Variants in ZNF679 observed in about 807,000 individuals in gnomAD.
The protein encoded by ZNF679 is hypothetical protein MGC42415.
ZNF679 carries 10 observed loss-of-function variants against 13.4 expected under a neutral mutation model. The observed-to-expected ratio is 0.75, with a 90% CI of 0.46 to 1.27. The LOEUF is 1.27. ZNF679 is among the 50% of genes most tolerant of loss of function. The probability of loss-of-function intolerance (pLI) is 0.00; values close to 1 mark genes in which losing one functional copy is unlikely to be tolerated. For missense variants in ZNF679, 525 were observed against 477.8 expected, an observed-to-expected ratio of 1.10 and a Z score of -0.92; for synonymous variants, 179 against 162.5, an observed-to-expected ratio of 1.10 and a Z score of -0.77.
intron 1 of ZNF679, among the ~76,000 whole-genome samples, chr7:64,239,126 A>G (rs1041247472): frequency 6.6e-6 from 1 of 152,174 alleles, no homozygotes; most frequent in African/African-American, 2.4e-5. Context: ...TCACATGCCC[A>G]TGTGTACACA....
intron 4 of ZNF679, among the ~76,000 whole-genome samples, chr7:64,265,036 A>T (rs1208030735): frequency 6.6e-6 from 1 of 151,726 alleles, no homozygotes; most frequent in Non-Finnish European, 1.5e-5. Flanking sequence ...CATAATATGG[A>T]TTATCTTATG....
chr7:64,249,190 T>C (rs779224016), intron 2 of ZNF679, 34 bp downstream of exon 2: 33 of 1,613,696 alleles, frequency 2.0e-5, no homozygotes, highest in Non-Finnish European at 2.7e-5. Flanking sequence ...GAGAGAGGGG[T>C]GAGGGCTGGT....
Position 64,266,609 on chromosome 7 carries a change from T to C in ZNF679, c.976T>C (p.Cys326Arg), listed in dbSNP as rs774742523. 25 of 1,610,738 alleles carry C rather than the reference T, an allele frequency of 1.6e-5. No individual in the cohort carries two copies. Among genetic ancestry groups the C allele is most frequent in the Non-Finnish European group, 2.0e-5 (24 of 1,177,078 alleles). The change falls in exon 5 of 5, where the codon TGT (cysteine) becomes CGT (arginine). Residue 326 changes from cysteine (C) to arginine (R), a missense_variant. Physicochemically the swap from Cys to Arg is radical, Grantham distance 180. Coordinates refer to ENST00000421025, the MANE Select transcript of ZNF679 (RefSeq NM_153363.3). Reference sequence around the variant, plus strand: ...TCATACTGGAGAGAAACCCTACACATGTGAAGAATGTGGCAAAGCCTTTAA... The same window carrying C: ...TCATACTGGAGAGAAACCCTACACACGTGAAGAATGTGGCAAAGCCTTTAA... ...RIHTGEKPYT[C>R]EECGKAFNCS...
At chr7:64,243,396 C>T (rs1787825313) in intron 1 of ZNF679, among the ~76,000 whole-genome samples, 2 of 152,130 alleles carry the variant, frequency 1.3e-5, no homozygotes, top group African/African-American at 2.4e-5. Context: ...AAATTCACAT[C>T]TGGGTGCTAG....
At chr7:64,230,487 T>C (rs1263007536) in intron 1 of ZNF679, among the ~76,000 whole-genome samples, 2 of 146,826 alleles carry the variant, frequency 1.4e-5, no homozygotes, top group Non-Finnish European at 3.0e-5. Flanking sequence ...GAGCCGAGAT[T>C]GCGCCACTGC....
chr7:64,258,754 G>A (rs956400096), intron 2 of ZNF679, among the ~76,000 whole-genome samples: 8 of 150,816 alleles, frequency 5.3e-5, no homozygotes, highest in Non-Finnish European at 1.2e-4. Context: ...CCATGTGTTC[G>A]GAACATGCAT....
chr7:64,245,421 AAGAG>A (rs372896063), intron 1 of ZNF679, among the ~76,000 whole-genome samples: 56 of 81,372 alleles, frequency 6.9e-4, no homozygotes, highest in African/African-American at 3.8e-3. Context: ...GAGAGAGAGA[AAGAG>A]AGAGAGAGAG....
chr7:64,261,087 A>G (rs563357960), intron 4 of ZNF679, among the ~76,000 whole-genome samples, 158 bp downstream of exon 4: 3 of 152,104 alleles, frequency 2.0e-5, no homozygotes, highest in Non-Finnish European at 4.4e-5. Flanking sequence ...AGATAGGGAT[A>G]CCTTCTGCCC....
intron 2 of ZNF679, among the ~76,000 whole-genome samples, chr7:64,251,150 TTTCAC>T (rs1414103471): frequency 6.6e-6 from 1 of 152,080 alleles, no homozygotes; most frequent in Non-Finnish European, 1.5e-5. Context: ...TTTATAAATA[TTTCAC>T]ATAAGAAGAA....
rs780005429 is a variant in ZNF679, at chr7:64,266,631, T to G, written c.998T>G (p.Phe333Cys). ...PYTCEECGKA[F>C]NCSSTLKKHK... ...ACATGTGAAGAATGTGGCAAAGCCT[T>G]TAACTGCTCCTCAACCCTTAAGAAA... is the stretch of plus-strand genomic sequence containing the variant. Residue 333 changes from phenylalanine to cysteine, a missense_variant, in exon 5 of 5, where the codon TTT becomes TGT. Coordinates refer to ENST00000421025, the MANE Select transcript of ZNF679 (RefSeq NM_153363.3). 3.4e-5 allele frequency: 54 copies of G among 1,610,542 alleles called. No homozygotes were observed. Among genetic ancestry groups the G allele is most frequent in the Non-Finnish European group, 4.2e-5 (50 of 1,177,166 alleles).
chr7:64,253,175 C>T (rs1372149373), intron 2 of ZNF679, among the ~76,000 whole-genome samples: 1 of 152,194 alleles, frequency 6.6e-6, no homozygotes, highest in Non-Finnish European at 1.5e-5. Context: ...TTGCTTTTCT[C>T]ATTGAGCTAT....
intron 1 of ZNF679, among the ~76,000 whole-genome samples, chr7:64,243,029 A>G (rs1787818634): frequency 2.0e-5 from 3 of 152,060 alleles, no homozygotes; most frequent in Admixed American, 2.0e-4. Flanking sequence ...AGACAGTTTT[A>G]ATTGTCTGCT....
At position 64,265,947 on chromosome 7, in the gene ZNF679, A is replaced by T; in HGVS notation, c.314A>T (p.Asp105Val). 6.2e-7 allele frequency: 1 copy of T among 1,613,908 alleles called. No homozygotes were observed. Among genetic ancestry groups the T allele is most frequent in the Non-Finnish European group, 8.5e-7 (1 of 1,179,882 alleles). The part of the protein sequence containing the change: ...QDLPPELGIK[D>V]SLQKVIPRRY... ...CTTCCGCCAGAGCTAGGCATAAAAG[A>T]TTCACTCCAAAAAGTAATACCAAGA... Residue 105 changes from aspartate (D) to valine (V), a missense_variant, in exon 5 of 5, where the codon GAT becomes GTT. Physicochemically the swap from Asp to Val is radical, Grantham distance 152 (BLOSUM62 -3). Coordinates refer to ENST00000421025, the MANE Select transcript of ZNF679 (RefSeq NM_153363.3).
intron 2 of ZNF679, among the ~76,000 whole-genome samples, chr7:64,256,206 G>C (rs1788002954): frequency 2.0e-5 from 3 of 152,150 alleles, no homozygotes; most frequent in Admixed American, 2.0e-4. Flanking sequence ...TTCTAAAAAT[G>C]ACGGTCTCCT....
chr7:64,248,427 C>A (rs940870296), intron 1 of ZNF679, among the ~76,000 whole-genome samples: 1 of 152,004 alleles, frequency 6.6e-6, no homozygotes, highest in Non-Finnish European at 1.5e-5. Flanking sequence ...GGACTACAGA[C>A]GCCCGCCAAC....
Position 64,249,108 on chromosome 7 carries a change from C to T in ZNF679, c.-10C>T. The T allele has an allele frequency of 6.2e-7, 1 of 1,614,104 alleles. No individual in the cohort carries two copies. Among genetic ancestry groups the T allele is most frequent in the Middle Eastern group, 1.7e-4 (1 of 6,060 alleles). On this transcript the variant is annotated 5_prime_UTR_variant, in exon 2 of 5. Transcript: ENST00000421025. ...CTGTGGCCTTGTGTTCTGCAGGTAT[C>T]CGCAGATTTATGGCTAAAAGACCGG...
intron 1 of ZNF679, among the ~76,000 whole-genome samples, chr7:64,247,879 T>C (rs1787889517): frequency 1.3e-5 from 2 of 151,946 alleles, no homozygotes; most frequent in African/African-American, 4.8e-5. Flanking sequence ...TACTTTTTAA[T>C]ATTTGGCTAC....
At chr7:64,242,835 A>G (rs2116519791) in intron 1 of ZNF679, among the ~76,000 whole-genome samples, 1 of 152,118 alleles carries the variant, frequency 6.6e-6, no homozygotes, top group Admixed American at 6.5e-5. Flanking sequence ...ATGAGAGTCA[A>G]CACCTCTTCT....
chr7:64,231,867 C>T (rs1666405165), intron 1 of ZNF679, among the ~76,000 whole-genome samples: 1 of 152,230 alleles, frequency 6.6e-6, no homozygotes, highest in Admixed American at 6.5e-5. Flanking sequence ...GTCACAATCG[C>T]ACTTGCAGAA....
Sources: gnomAD v4.1 joint callset for allele counts (sites outside exome capture counted in the v4.1 genomes callset) on GRCh38, gnomAD v4.1.1 for gene constraint, MANE v1.5 for transcripts, NCBI Gene and HGNC (gene_info 2026-07-23, HGNC 2026-07-21) for gene names.